Variants in RALGAPA2 observed in about 807,000 individuals in gnomAD.
The protein encoded by RALGAPA2 is ral GTPase-activating protein subunit alpha-2.
Under a neutral mutation model 230.4 loss-of-function variants are expected in RALGAPA2, and 139 were observed. The observed-to-expected ratio is 0.60, with a 90% CI of 0.53 to 0.69. The LOEUF (loss-of-function observed/expected upper bound fraction) is 0.69, where lower values mean the gene tolerates loss of function less well. RALGAPA2 is among the 30% of genes least tolerant of loss of function. The probability of loss-of-function intolerance (pLI) is 0.00; values close to 1 mark genes in which losing one functional copy is unlikely to be tolerated. For synonymous variants in RALGAPA2, 847 were observed against 837.8 expected, an observed-to-expected ratio of 1.01 and a Z score of -0.19; for missense variants, 2,163 against 2,276.0, an observed-to-expected ratio of 0.95 and a Z score of 1.01.
At chr20:20,595,807 G>A (rs1307559599) in intron 16 of RALGAPA2, among the ~76,000 whole-genome samples, 1 of 151,916 alleles carries the variant, frequency 6.6e-6, no homozygotes, top group Non-Finnish European at 1.5e-5. Context: ...CAAAAACTTA[G>A]CTGTGCATGG....
intron 31 of RALGAPA2, 131 bp from the exon 32 acceptor site, chr20:20,513,415 C>T: frequency 1.5e-6 from 1 of 683,862 alleles, no homozygotes; most frequent in Non-Finnish European, 2.1e-6. Context: ...GTGCCTCAGC[C>T]ACTTGGAAAT....
intron 38 of RALGAPA2, among the ~76,000 whole-genome samples, chr20:20,410,394 A>C (rs1166014640): frequency 6.6e-6 from 1 of 152,212 alleles, no homozygotes; most frequent in Middle Eastern, 3.2e-3. Flanking sequence ...TTACGTGTTT[A>C]ATTTTAAGAA....
chr20:20,605,698 C>G (rs936432634), intron 14 of RALGAPA2, among the ~76,000 whole-genome samples: 5 of 152,168 alleles, frequency 3.3e-5, no homozygotes, highest in Non-Finnish European at 7.3e-5. Context: ...GCCCTCCGCA[C>G]AGTGACAACT....
chr20:20,524,081 G>A (rs113806591), intron 30 of RALGAPA2, among the ~76,000 whole-genome samples: 1,666 of 151,990 alleles, frequency 0.011, 24 homozygotes, highest in African/African-American at 0.038. Context: ...CTCAGCCTCC[G>A]GGGTAGCTGG....
At chr20:20,610,784 T>A (rs2065953487) in intron 14 of RALGAPA2, among the ~76,000 whole-genome samples, 3 of 152,036 alleles carry the variant, frequency 2.0e-5, no homozygotes, top group Admixed American at 2.0e-4. Flanking sequence ...ACCAACTACA[T>A]CTGTCAAAGC....
At chr20:20,616,456 T>C (rs2066144569) in intron 12 of RALGAPA2, among the ~76,000 whole-genome samples, 1 of 152,106 alleles carries the variant, frequency 6.6e-6, no homozygotes, top group Non-Finnish European at 1.5e-5. Context: ...TAATTGCAAC[T>C]ACAGAAATTT....
At chr20:20,411,751 A>T (rs183794984) in intron 38 of RALGAPA2, among the ~76,000 whole-genome samples, 1 of 152,076 alleles carries the variant, frequency 6.6e-6, no homozygotes, top group African/African-American at 2.4e-5. Flanking sequence ...AGAAACCCAC[A>T]CTCCTGAATG....
intron 31 of RALGAPA2, 129 bp from the exon 32 acceptor site, chr20:20,513,413 G>T (rs2062775172): frequency 4.3e-6 from 3 of 700,362 alleles, no homozygotes; most frequent in Non-Finnish European, 6.1e-6. Context: ...GTGTGCCTCA[G>T]CCACTTGGAA....
intron 23 of RALGAPA2, among the ~76,000 whole-genome samples, chr20:20,547,246 A>G (rs1020102150): frequency 1.6e-4 from 25 of 152,352 alleles, no homozygotes; most frequent in African/African-American, 6.0e-4. Flanking sequence ...AAAATATCTT[A>G]AAGTAGGCAA....
intron 37 of RALGAPA2, among the ~76,000 whole-genome samples, chr20:20,463,703 T>G (rs1183359652): frequency 6.6e-6 from 1 of 152,234 alleles, no homozygotes; most frequent in African/African-American, 2.4e-5. Flanking sequence ...ATGGCTCCCT[T>G]TGAAGCTCTG....
At chr20:20,642,360 G>A (rs1343552701) in intron 5 of RALGAPA2, among the ~76,000 whole-genome samples, 4 of 151,958 alleles carry the variant, frequency 2.6e-5, no homozygotes, top group East Asian at 3.9e-4. Context: ...ATAGGCGTAT[G>A]CCACCATGCC....
chr20:20,670,929 G>A (rs529478613), intron 3 of RALGAPA2, among the ~76,000 whole-genome samples: 2 of 138,444 alleles, frequency 1.4e-5, no homozygotes. Flanking sequence ...CAGCCTGGGC[G>A]ACAGAGCAAG....
intron 19 of RALGAPA2, 115 bp downstream of exon 19, chr20:20,584,750 C>T: frequency 1.2e-6 from 1 of 819,640 alleles, no homozygotes; most frequent in Non-Finnish European, 1.8e-6. Flanking sequence ...CAGAGCACTC[C>T]AGCCTGGGCG....
At chr20:20,653,215 AAAAAAAAAAAT>A (rs1389803027) in intron 4 of RALGAPA2, among the ~76,000 whole-genome samples, 4 of 148,308 alleles carry the variant, frequency 2.7e-5, no homozygotes, top group African/African-American at 1.0e-4. Context: ...AAAAAAAAAA[AAAAAAAAAAAT>A]ACACACTACT....
At chr20:20,570,616 T>A (rs6137063) in intron 23 of RALGAPA2, among the ~76,000 whole-genome samples, 9,971 of 152,280 alleles carry the variant, frequency 0.065, 435 homozygotes, top group East Asian at 0.16. Flanking sequence ...CCATCCCCAA[T>A]GCTACCGGCT....
At chr20:20,633,924 G>T (rs1004402051) in intron 9 of RALGAPA2, among the ~76,000 whole-genome samples, 1 of 152,148 alleles carries the variant, frequency 6.6e-6, no homozygotes, top group Admixed American at 6.5e-5. Flanking sequence ...GACATCCTGT[G>T]GGGGGATGTG....
intron 37 of RALGAPA2, among the ~76,000 whole-genome samples, chr20:20,421,540 C>T (rs528565551): frequency 1.1e-4 from 16 of 152,186 alleles, no homozygotes; most frequent in Non-Finnish European, 2.2e-4. Flanking sequence ...TGTGATGGTC[C>T]ATGCCTGTAA....
intron 37 of RALGAPA2, among the ~76,000 whole-genome samples, chr20:20,413,685 C>T (rs550075226): frequency 6.6e-5 from 10 of 152,176 alleles, no homozygotes; most frequent in Non-Finnish European, 1.3e-4. Flanking sequence ...CAGCGTGCTG[C>T]CAGAATTTCT....
At chr20:20,506,605 C>A (rs1316620755) in intron 33 of RALGAPA2, among the ~76,000 whole-genome samples, 1 of 152,030 alleles carries the variant, frequency 6.6e-6, no homozygotes, top group African/African-American at 2.4e-5. Context: ...CCTTTTTTTG[C>A]ACTACATTCT....
Sources: gnomAD v4.1 joint callset for allele counts (sites outside exome capture counted in the v4.1 genomes callset) on GRCh38, gnomAD v4.1.1 for gene constraint, MANE v1.5 for transcripts, NCBI Gene and HGNC (gene_info 2026-07-23, HGNC 2026-07-21) for gene names.